The following TTC21B variants were observed in gnomAD, a reference collection of about 807,000 sequenced individuals.
The protein encoded by TTC21B is tetratricopeptide repeat domain 21B, also known as tetratricopeptide repeat protein 21B.
TTC21B carries 127 observed loss-of-function variants against 175.1 expected under a neutral mutation model. That is an observed-to-expected ratio of 0.73 (90% CI 0.63 to 0.84). The LOEUF (loss-of-function observed/expected upper bound fraction) is 0.84. Ranked by LOEUF, TTC21B falls within the 40% of genes least tolerant of loss-of-function variation. TTC21B has a pLI of 0.00. For synonymous variants in TTC21B, 524 were observed against 524.5 expected, an observed-to-expected ratio of 1.00 and a Z score of 0.01; for missense variants, 1,561 against 1,558.3, an observed-to-expected ratio of 1.00 and a Z score of -0.03.
At chr2:165,922,421 C>G (rs1349927589) in intron 12 of TTC21B, among the ~76,000 whole-genome samples, 3 of 151,630 alleles carry the variant, frequency 2.0e-5, no homozygotes, top group Admixed American at 2.0e-4. Flanking sequence ...AATGACATGA[C>G]TAGACATTTA....
At chr2:165,945,381 T>C (rs746911552) in intron 4 of TTC21B, 143 bp downstream of exon 4, 2 of 765,294 alleles carry the variant, frequency 2.6e-6, no homozygotes, top group South Asian at 3.5e-5. Flanking sequence ...TTGATAACCA[T>C]AAATGGGTTA....
intron 5 of TTC21B, 56 bp from the exon 6 acceptor site, chr2:165,941,240 T>G: frequency 6.3e-7 from 1 of 1,579,082 alleles, no homozygotes; most frequent in Non-Finnish European, 8.7e-7. Context: ...ATCAAAGTTC[T>G]CATAACGCAG....
At chr2:165,879,977 G>A (rs1249494998) in intron 27 of TTC21B, 1 of 152,800 alleles carries the variant, frequency 6.5e-6, no homozygotes, top group East Asian at 1.9e-4. Flanking sequence ...TCTGTAAGAG[G>A]GAGGCATTCT....
At chr2:165,921,387 G>A (rs1473567996) in intron 12 of TTC21B, among the ~76,000 whole-genome samples, 1 of 152,084 alleles carries the variant, frequency 6.6e-6, no homozygotes, top group East Asian at 1.9e-4. Flanking sequence ...GACTCCATGG[G>A]GAGAGGGCAA....
Position 165,883,984 on chromosome 2 carries a change from G to A in TTC21B, c.3494C>T (p.Thr1165Met), listed in dbSNP as rs776834721. The A allele has an allele frequency of 5.6e-6, 9 of 1,614,048 alleles. No homozygotes were observed. Among genetic ancestry groups the A allele is most frequent in the South Asian group, 3.3e-5 (3 of 91,084 alleles). ...AGTCTGTTTCAAGATCATATAAGCC[G>A]TTGCCATTCCCAAGAGCGCTGGGAT... ...EHIPALLGMA[T>M]AYMILKQTPR... Residue 1165 changes from threonine to methionine, a missense_variant, in exon 26 of 29, where the codon ACG becomes ATG. Thr to Met is a moderately conservative substitution (Grantham distance 81). Transcript: ENST00000243344.
At chr2:165,877,817 C>T (rs555421451) in intron 27 of TTC21B, among the ~76,000 whole-genome samples, 3 of 152,126 alleles carry the variant, frequency 2.0e-5, no homozygotes, top group Non-Finnish European at 1.5e-5. Flanking sequence ...AATCTCACAT[C>T]TCAGATTTTA....
At chr2:165,932,742 G>A (rs1686959207) in intron 7 of TTC21B, among the ~76,000 whole-genome samples, 1 of 151,484 alleles carries the variant, frequency 6.6e-6, no homozygotes, top group Non-Finnish European at 1.5e-5. Flanking sequence ...ATGATTTAAG[G>A]GATTTTCAAG....
At chr2:165,880,822 A>C in intron 26 of TTC21B, 23 bp from the exon 27 acceptor site, 1 of 1,608,836 alleles carries the variant, frequency 6.2e-7, no homozygotes, top group South Asian at 1.1e-5. Flanking sequence ...GGGAGACATC[A>C]ATAGATTAAA....
intron 26 of TTC21B, among the ~76,000 whole-genome samples, chr2:165,881,244 ATG>A: frequency 6.6e-6 from 1 of 152,296 alleles, no homozygotes; most frequent in Admixed American, 6.5e-5. Flanking sequence ...CTAAGTCTAA[ATG>A]TGTTAGTGTG....
rs1366178129 is a variant in TTC21B at position 165,930,313 on chromosome 2, C to A, written c.946G>T (p.Ala316Ser). The change falls in exon 9 of 29, where the codon GCT (alanine) becomes TCT (serine). Residue 316 changes from alanine to serine, a missense_variant. Coordinates refer to ENST00000243344, the MANE Select transcript of TTC21B (RefSeq NM_024753.5). Reference sequence around the variant, plus strand: ...GATTGCTGAGGGTTTAAACTAAAAGCTCTCTCAAGTAACGTTTGAATTTTT... The same window carrying A: ...GATTGCTGAGGGTTTAAACTAAAAGATCTCTCAAGTAACGTTTGAATTTTT... ...LQKIQTLLER[A>S]FSLNPQQSEF... 13 of 1,612,612 alleles carry A rather than the reference C, an allele frequency of 8.1e-6. No individual in the cohort carries two copies. The highest frequency in any genetic ancestry group is 1.1e-5 in the Non-Finnish European group (13 of 1,179,226).
chr2:165,934,636 T>C (rs1434083905), intron 6 of TTC21B: 1 of 142,804 alleles, frequency 7.0e-6, no homozygotes, highest in Non-Finnish European at 1.5e-5. Flanking sequence ...GAACCAGTTA[T>C]ATACCAAAGA....
In TTC21B at chr2:165,929,746, T is replaced by A. The variant is rs760376956; in HGVS notation, c.1089A>T (p.Gly363=). 9 of 1,607,690 alleles carry A rather than the reference T, an allele frequency of 5.6e-6. No individual in the cohort carries two copies. In the South Asian group the frequency reaches 9.9e-5, roughly 18 times the overall value. ...CTTCTATCAACTGACATTGGATAAA[T>A]CCTAAAATCAAACAGCAGAAAGACA... The part of the protein sequence containing the change: ...LDETSVSALV[G]FIQCQLIEGQ... Residue 363 remains glycine (G), a splice_region_variant and synonymous_variant, in exon 10 of 29, where the codon GGA becomes GGT. Transcript: ENST00000243344.
Position 165,929,637 on chromosome 2 carries a change from T to C in TTC21B, c.1185+13A>G. ...AGCTAGCATCTACCAGCTGATAAAA[T>C]AAAATACTGTACCGCAGATTTTCCA... On this transcript the variant is annotated intron_variant, in intron 10 of 28. Coordinates refer to ENST00000243344, the MANE Select transcript of TTC21B (RefSeq NM_024753.5). The C allele has an allele frequency of 6.3e-7, 1 of 1,582,372 alleles. No homozygotes were observed. The highest frequency in any genetic ancestry group is 8.7e-7 in the Non-Finnish European group (1 of 1,151,998).
At chr2:165,876,602 T>C (rs915602085) in intron 27 of TTC21B, among the ~76,000 whole-genome samples, 1 of 152,226 alleles carries the variant, frequency 6.6e-6, no homozygotes, top group African/African-American at 2.4e-5. Flanking sequence ...ACAGTACAGA[T>C]TTATTTAGCA....
At chr2:165,915,124 G>C (rs1470379792) in intron 15 of TTC21B, 77 bp downstream of exon 15, 1 of 1,205,942 alleles carries the variant, frequency 8.3e-7, no homozygotes, top group African/African-American at 1.5e-5. Context: ...GCAGTTGAAA[G>C]AAAGTTAAAA....
chr2:165,939,217 T>C (rs545202424), intron 6 of TTC21B, among the ~76,000 whole-genome samples: 5 of 152,264 alleles, frequency 3.3e-5, no homozygotes, highest in East Asian at 1.9e-4. Context: ...TAATAAATGA[T>C]AGACGATCTT....
At chr2:165,932,787 A>G (rs1686960041) in intron 7 of TTC21B, among the ~76,000 whole-genome samples, 186 bp downstream of exon 7, 1 of 152,146 alleles carries the variant, frequency 6.6e-6, no homozygotes, top group Non-Finnish European at 1.5e-5. Flanking sequence ...TTGCTTTACC[A>G]ATAGATTTCA....
intron 12 of TTC21B, among the ~76,000 whole-genome samples, chr2:165,923,743 G>GTT (rs1190876494): frequency 0.24 from 25,495 of 107,100 alleles, 3,902 homozygotes; most frequent in Middle Eastern, 0.34. Flanking sequence ...CGCCCAGCTG[G>GTT]TTTTTTTTTT....
chr2:165,878,412 G>C (rs2105278243), intron 27 of TTC21B, among the ~76,000 whole-genome samples: 1 of 152,190 alleles, frequency 6.6e-6, no homozygotes, highest in East Asian at 1.9e-4. Context: ...CCTGAGAATA[G>C]GTATGAAGGG....
Sources: allele counts gnomAD v4.1 joint callset (sites outside exome capture counted in the v4.1 genomes callset), GRCh38; gene constraint gnomAD v4.1.1; transcripts MANE v1.5; gene names NCBI Gene and HGNC (gene_info 2026-07-23, HGNC 2026-07-21).